The following CCDC178 variants were observed in gnomAD, a reference collection of about 807,000 sequenced individuals.
CCDC178 encodes coiled-coil domain containing 178, also known as coiled-coil domain-containing protein 178.
Under a neutral mutation model 117.4 loss-of-function variants are expected in CCDC178, and 126 were observed. That is an observed-to-expected ratio of 1.07 (90% CI 0.93 to 1.24). The LOEUF (loss-of-function observed/expected upper bound fraction) is 1.24. Ranked by LOEUF, CCDC178 falls within the 50% of genes most tolerant of loss-of-function variation. CCDC178 has a pLI of 0.00. For synonymous variants in CCDC178, 283 were observed against 313.4 expected, an observed-to-expected ratio of 0.90 and a Z score of 1.02; for missense variants, 1,030 against 986.9, an observed-to-expected ratio of 1.04 and a Z score of -0.59.
At chr18:33,052,123 A>AT (rs1389382991) in intron 21 of CCDC178, among the ~76,000 whole-genome samples, 2 of 151,348 alleles carry the variant, frequency 1.3e-5, no homozygotes, top group African/African-American at 2.4e-5. Context: ...CTCAAATTTA[A>AT]TTTTTTTTTA....
intron 15 of CCDC178, among the ~76,000 whole-genome samples, chr18:33,231,081 T>C (rs765922555): frequency 6.6e-6 from 1 of 152,238 alleles, no homozygotes; most frequent in Admixed American, 6.5e-5. Flanking sequence ...TGATTACTTA[T>C]TAATTACAAT....
intron 14 of CCDC178, among the ~76,000 whole-genome samples, chr18:33,251,219 C>A (rs1160240584): frequency 6.6e-6 from 1 of 151,770 alleles, no homozygotes; most frequent in East Asian, 1.9e-4. Context: ...ATGCAAAGCT[C>A]ATGGGCTGCT....
At chr18:33,414,557 G>A (rs919074519) in intron 2 of CCDC178, among the ~76,000 whole-genome samples, 1 of 152,118 alleles carries the variant, frequency 6.6e-6, no homozygotes. Flanking sequence ...ATTCAAGATG[G>A]ATCAAAGACT....
At chr18:33,014,045 A>T (rs1473150211) in intron 21 of CCDC178, among the ~76,000 whole-genome samples, 1 of 152,232 alleles carries the variant, frequency 6.6e-6, no homozygotes. Context: ...CAAGGAAAAC[A>T]GCTGAATTTC....
chr18:33,114,342 C>T (rs1471913232), intron 20 of CCDC178, among the ~76,000 whole-genome samples: 2 of 151,856 alleles, frequency 1.3e-5, no homozygotes, highest in Non-Finnish European at 2.9e-5. Flanking sequence ...CCCTGGTAGC[C>T]CAAATCACCA....
intron 21 of CCDC178, among the ~76,000 whole-genome samples, chr18:33,084,837 T>C (rs978719401): frequency 3.3e-5 from 5 of 151,838 alleles, no homozygotes; most frequent in African/African-American, 4.8e-5. Flanking sequence ...AAGAAAGATT[T>C]GGATTAATTT....
At chr18:33,317,729 A>G (rs1379385764) in intron 11 of CCDC178, among the ~76,000 whole-genome samples, 3 of 152,152 alleles carry the variant, frequency 2.0e-5, no homozygotes, top group African/African-American at 7.2e-5. Context: ...AATATACAGA[A>G]AAGGGGAGAT....
intron 20 of CCDC178, among the ~76,000 whole-genome samples, chr18:33,157,001 G>A (rs1343813900): frequency 6.6e-6 from 1 of 152,140 alleles, no homozygotes; most frequent in Non-Finnish European, 1.5e-5. Context: ...AACATACAAT[G>A]GATTCAGAAC....
At chr18:33,155,760 A>T (rs2058386464) in intron 20 of CCDC178, among the ~76,000 whole-genome samples, 1 of 152,190 alleles carries the variant, frequency 6.6e-6, no homozygotes, top group Non-Finnish European at 1.5e-5. Flanking sequence ...AGAAGGAGAC[A>T]GGACATAGCT....
At chr18:33,013,330 T>A (rs2055912449) in intron 21 of CCDC178, among the ~76,000 whole-genome samples, 1 of 152,174 alleles carries the variant, frequency 6.6e-6, no homozygotes, top group South Asian at 2.1e-4. Flanking sequence ...ATGGACACTA[T>A]CAGTCTTAAG....
At chr18:33,250,691 T>A (rs2059610387) in intron 14 of CCDC178, among the ~76,000 whole-genome samples, 1 of 151,608 alleles carries the variant, frequency 6.6e-6, no homozygotes, top group Non-Finnish European at 1.5e-5. Context: ...CAGACTCCTA[T>A]CGGAACATCA....
At chr18:33,159,508 T>C (rs996764380) in intron 20 of CCDC178, among the ~76,000 whole-genome samples, 1 of 152,106 alleles carries the variant, frequency 6.6e-6, no homozygotes, top group African/African-American at 2.4e-5. Context: ...AGAATTTGCT[T>C]TCTTGGCTAG....
chr18:33,149,845 C>A (rs2058319777), intron 20 of CCDC178, among the ~76,000 whole-genome samples: 1 of 152,018 alleles, frequency 6.6e-6, no homozygotes, highest in African/African-American at 2.4e-5. Context: ...GATTAACAGT[C>A]AAAAATATAC....
intron 2 of CCDC178, among the ~76,000 whole-genome samples, chr18:33,430,749 A>G (rs1831360385): frequency 6.6e-6 from 1 of 152,192 alleles, no homozygotes; most frequent in Admixed American, 6.5e-5. Context: ...CTGTTCTAAT[A>G]GAGGGCTGCA....
chr18:33,221,241 G>T (rs2059230268), intron 18 of CCDC178, among the ~76,000 whole-genome samples: 1 of 152,030 alleles, frequency 6.6e-6, no homozygotes, highest in Admixed American at 6.6e-5. Context: ...CATTAAACTT[G>T]CAGTGCTCTT....
intron 11 of CCDC178, among the ~76,000 whole-genome samples, chr18:33,313,455 T>C (rs1436835417): frequency 6.6e-6 from 1 of 152,186 alleles, no homozygotes; most frequent in Non-Finnish European, 1.5e-5. Context: ...AAAAATGGAA[T>C]AAAAGCCTCC....
At chr18:33,113,306 A>G (rs904547538) in intron 20 of CCDC178, among the ~76,000 whole-genome samples, 1 of 152,062 alleles carries the variant, frequency 6.6e-6, no homozygotes, top group African/African-American at 2.4e-5. Context: ...TTTACCTTTG[A>G]AATAAAAACA....
chr18:33,319,321 G>A (rs1050352887), intron 11 of CCDC178, among the ~76,000 whole-genome samples: 5 of 151,908 alleles, frequency 3.3e-5, no homozygotes, highest in East Asian at 1.9e-4. Flanking sequence ...GATAGTTTGC[G>A]GAGAATGATG....
chr18:33,341,122 T>C (rs1038846763), intron 9 of CCDC178, among the ~76,000 whole-genome samples: 3 of 152,182 alleles, frequency 2.0e-5, no homozygotes, highest in Non-Finnish European at 2.9e-5. Flanking sequence ...ACCTACCTCT[T>C]ACATCAGCAT....
Sources: allele counts gnomAD v4.1 joint callset (sites outside exome capture counted in the v4.1 genomes callset), GRCh38; gene constraint gnomAD v4.1.1; transcripts MANE v1.5; gene names NCBI Gene and HGNC (gene_info 2026-07-23, HGNC 2026-07-21).